GINS2: variants seen among roughly 807,000 people sequenced by gnomAD.
GINS2 encodes the protein GINS complex subunit 2, also known as DNA replication complex GINS protein PSF2.
In GINS2, 23 loss-of-function variants were observed where a neutral mutation model predicts 21.2. The ratio of observed to expected loss-of-function variants is 1.08; its 90% CI spans 0.78 to 1.53. GINS2 has a LOEUF of 1.53. GINS2 is among the 40% of genes most tolerant of loss of function. The probability of loss-of-function intolerance (pLI) is 0.00; values close to 1 mark genes in which losing one functional copy is unlikely to be tolerated. For missense variants in GINS2, 323 were observed against 233.9 expected, an observed-to-expected ratio of 1.38 and a Z score of -2.49; for synonymous variants, 118 against 85.6, an observed-to-expected ratio of 1.38 and a Z score of -2.09.
Position 85,677,489 on chromosome 16 carries a change from C to T in GINS2, c.*723G>A, listed in dbSNP as rs982337527. ...TGGATTCGTTTTTTTCCTGACTCTC[C>T]TCTTGATAAGCAACCCATTAAACCT... On this transcript the variant is annotated 3_prime_UTR_variant, in exon 5 of 5. Coordinates refer to ENST00000253462, the MANE Select transcript of GINS2 (RefSeq NM_016095.3). 8 of 152,158 alleles carry T rather than the reference C, an allele frequency of 5.3e-5. No homozygotes were observed. The highest frequency in any genetic ancestry group is 1.2e-4 in the Non-Finnish European group (8 of 68,038). The allele number at this position is 152,158 out of a possible 1,614,324, so 9.4% of individuals were successfully genotyped here.
At chr16:85,684,086 G>T (rs958820855) in intron 2 of GINS2, among the ~76,000 whole-genome samples, 1 of 152,092 alleles carries the variant, frequency 6.6e-6, no homozygotes, top group Non-Finnish European at 1.5e-5. Context: ...AGGCACAGTG[G>T]CTCACACTTG....
chr16:85,678,139 C>G lies in GINS2; in HGVS notation c.*73G>C. The G allele has an allele frequency of 2.9e-6, 4 of 1,398,866 alleles. No individual in the cohort carries two copies. The highest frequency in any genetic ancestry group is 3.0e-6 in the Non-Finnish European group (3 of 1,002,184). 86.7% of individuals were successfully genotyped at this position (1,398,866 alleles called of 1,614,324 possible). A position where few individuals can be genotyped will look rare whatever the true frequency, so the allele number is the denominator to read the frequency against. ...ATGCATCAGAAGTGTTTCTAGAGCT[C>G]CAGAACCACGAGTACCTCATCACGT... On this transcript the variant is annotated 3_prime_UTR_variant, in exon 5 of 5. Transcript: ENST00000253462.
chr16:85,684,497 C>T (rs1352332170), intron 2 of GINS2, among the ~76,000 whole-genome samples: 1 of 152,004 alleles, frequency 6.6e-6, no homozygotes, highest in African/African-American at 2.4e-5. Flanking sequence ...CAGAGAAATC[C>T]CTGTCTCTAA....
intron 3 of GINS2, 41 bp downstream of exon 3, chr16:85,681,541 C>A: frequency 8.6e-7 from 1 of 1,156,776 alleles, no homozygotes; most frequent in South Asian, 1.3e-5. Flanking sequence ...CATGGCGAGT[C>A]CAGTCTTGGG....
intron 3 of GINS2, 87 bp from the exon 4 acceptor site, chr16:85,678,753 C>A: frequency 7.7e-7 from 1 of 1,290,884 alleles, no homozygotes; most frequent in South Asian, 1.4e-5. Context: ...AGGCAAAATA[C>A]CGTGGCTATT....
intron 3 of GINS2, among the ~76,000 whole-genome samples, chr16:85,680,216 C>T (rs1355835524): frequency 6.6e-6 from 1 of 152,198 alleles, no homozygotes; most frequent in Non-Finnish European, 1.5e-5. Context: ...TGCATTGCTG[C>T]TTCTCAGCTT....
At chr16:85,679,969 A>G (rs958028596) in intron 3 of GINS2, among the ~76,000 whole-genome samples, 12 of 152,140 alleles carry the variant, frequency 7.9e-5, no homozygotes, top group African/African-American at 2.7e-4. Flanking sequence ...CTGCCTGAGC[A>G]TATCAGTTCC....
At chr16:85,687,240 C>A (rs901320174) in intron 2 of GINS2, among the ~76,000 whole-genome samples, 1 of 152,254 alleles carries the variant, frequency 6.6e-6, no homozygotes, top group African/African-American at 2.4e-5. Flanking sequence ...CTACAACTTT[C>A]ACACACACCA....
At chr16:85,682,190 T>C (rs1417810193) in intron 2 of GINS2, among the ~76,000 whole-genome samples, 1 of 151,966 alleles carries the variant, frequency 6.6e-6, no homozygotes, top group Non-Finnish European at 1.5e-5. Flanking sequence ...CCACCATTTA[T>C]TTTTTGTAGA....
chr16:85,677,471 G>C lies in GINS2; in HGVS notation c.*741C>G, dbSNP rs1974869. Reference sequence around the variant, plus strand: ...CACTCATGCTCAATACATTGGATTCGTTTTTTTCCTGACTCTCCTCTTGAT... The same window carrying C: ...CACTCATGCTCAATACATTGGATTCCTTTTTTTCCTGACTCTCCTCTTGAT... On this transcript the variant is annotated 3_prime_UTR_variant, in exon 5 of 5. Transcript: ENST00000253462. 2 of 152,066 alleles carry C rather than the reference G, an allele frequency of 1.3e-5. No individual in the cohort carries two copies. Among genetic ancestry groups the C allele is most frequent in the Non-Finnish European group, 2.9e-5 (2 of 68,032 alleles). 9.4% of individuals were successfully genotyped at this position (152,066 alleles called of 1,614,324 possible).
intron 3 of GINS2, among the ~76,000 whole-genome samples, chr16:85,679,771 G>T (rs954584037): frequency 7.9e-5 from 12 of 152,154 alleles, no homozygotes; most frequent in African/African-American, 2.9e-4. Context: ...CCTGTTTATA[G>T]ATCCTCTCCC....
At chr16:85,681,362 G>T (rs148498263) in intron 3 of GINS2, among the ~76,000 whole-genome samples, 3 of 152,320 alleles carry the variant, frequency 2.0e-5, no homozygotes, top group Non-Finnish European at 2.9e-5. Context: ...ACAGAGAAAG[G>T]CAAAGAACAG....
intron 2 of GINS2, among the ~76,000 whole-genome samples, chr16:85,684,687 G>A (rs567263030): frequency 1.3e-5 from 2 of 151,490 alleles, no homozygotes; most frequent in South Asian, 2.1e-4. Flanking sequence ...TGTTGAGAAC[G>A]TAAACAGGTA....
rs151104143 is a variant in GINS2 at position 85,683,602 on chromosome 16, C to T, written c.206-1921G>A. ...TGTCAGCTTTCACTCTTCTCCCTCA[C>T]ACCCCATGGCCAGTCCTTCAGCCAA... On this transcript the variant is annotated intron_variant, in intron 2 of 4. Transcript: ENST00000253462. Among the ~76,000 whole-genome samples, 52 of 152,328 alleles carry T rather than the reference C, an allele frequency of 3.4e-4. No individual in the cohort carries two copies. The East Asian group carries it at 8.9e-3, about 26-fold the overall frequency.
At chr16:85,679,520 T>C (rs1013241714) in intron 3 of GINS2, among the ~76,000 whole-genome samples, 2 of 152,250 alleles carry the variant, frequency 1.3e-5, no homozygotes, top group African/African-American at 4.8e-5. Flanking sequence ...ACAAAATTTA[T>C]GTAGTGAGTT....
intron 3 of GINS2, among the ~76,000 whole-genome samples, chr16:85,681,294 G>A (rs888666692): frequency 6.6e-6 from 1 of 152,318 alleles, no homozygotes; most frequent in Non-Finnish European, 1.5e-5. Flanking sequence ...AGTGATGTGA[G>A]GCAGAACAAA....
chr16:85,688,807 A>AC lies in GINS2; in HGVS notation c.90+1dup. ...CCTCCCCACGGCGGGCCCAGGCCTC[A>AC]CCCCGATGAGGTAGATCTTGTCCAG... On this transcript the variant is annotated splice_donor_variant, in intron 1 of 4. Coordinates refer to ENST00000253462, the MANE Select transcript of GINS2 (RefSeq NM_016095.3). LOFTEE classifies it high-confidence loss of function. The AC allele has an allele frequency of 6.6e-7, 1 of 1,521,904 alleles. No individual in the cohort carries two copies. Among genetic ancestry groups the AC allele is most frequent in the Admixed American group, 2.0e-5 (1 of 48,868 alleles). 94.3% of individuals were successfully genotyped at this position (1,521,904 alleles called of 1,614,324 possible).
In GINS2 at chr16:85,676,371, C is replaced by G. The variant is rs996282121; in HGVS notation, c.*1841G>C. 6.6e-6 allele frequency: 1 copy of G among 152,192 alleles called. No individual in the cohort carries two copies. The highest frequency in any genetic ancestry group is 1.9e-4 in the East Asian group (1 of 5,204). The allele number at this position is 152,192 out of a possible 1,614,324, so 9.4% of individuals were successfully genotyped here. ...AAGTGGTTTCATTCTAAAAGATCCC[C>G]AGATGAAAGCAGGAGGATTCCAAGG... On this transcript the variant is annotated 3_prime_UTR_variant, in exon 5 of 5. Coordinates refer to ENST00000253462, the MANE Select transcript of GINS2 (RefSeq NM_016095.3).
chr16:85,681,594 A>G lies in GINS2; in HGVS notation c.293T>C (p.Leu98Pro), dbSNP rs1434353629. Residue 98 changes from leucine to proline, a missense_variant, in exon 3 of 5, where the codon CTC becomes CCC. Leu to Pro is a moderately conservative substitution (Grantham distance 98, BLOSUM62 -3). Coordinates refer to ENST00000253462, the MANE Select transcript of GINS2 (RefSeq NM_016095.3). ...PSPYYMELTK[L>P]LLNHASDNIP... ...GAGATCTACTTACTGATTTAACAGG[A>G]GCTTCGTAAGTTCCATGTAGTAAGG... 1 of 1,601,510 alleles carries G rather than the reference A, an allele frequency of 6.2e-7. No individual in the cohort carries two copies. Among genetic ancestry groups the G allele is most frequent in the Non-Finnish European group, 8.6e-7 (1 of 1,168,852 alleles).
Sources: allele counts gnomAD v4.1 joint callset (sites outside exome capture counted in the v4.1 genomes callset), GRCh38; gene constraint gnomAD v4.1.1; transcripts MANE v1.5; gene names NCBI Gene and HGNC (gene_info 2026-07-23, HGNC 2026-07-21).